GRB2: variants seen among roughly 807,000 people sequenced by gnomAD.
GRB2 encodes growth factor receptor-bound protein 2.
In GRB2, 2 loss-of-function variants were observed where a neutral mutation model predicts 27.4. The observed-to-expected ratio is 0.07, with a 90% confidence interval of 0.03 to 0.23. The LOEUF is 0.23. Among genes scored for constraint, GRB2 ranks in the 10% least tolerant of loss-of-function variants. GRB2 has a pLI of 1.00. For missense variants in GRB2, 102 were observed against 282.4 expected, an observed-to-expected ratio of 0.36 and a Z score of 4.58; for synonymous variants, 94 against 99.6, an observed-to-expected ratio of 0.94 and a Z score of 0.33.
chr17:75,366,327 A>C (rs1402136537), intron 2 of GRB2, among the ~76,000 whole-genome samples: 1 of 152,170 alleles, frequency 6.6e-6, no homozygotes, highest in Non-Finnish European at 1.5e-5. Context: ...ACAGTGGCTT[A>C]ACACAATGGG....
At chr17:75,380,111 A>C (rs2078918266) in intron 2 of GRB2, among the ~76,000 whole-genome samples, 1 of 152,186 alleles carries the variant, frequency 6.6e-6, no homozygotes, top group Non-Finnish European at 1.5e-5. Context: ...GATTCTACAA[A>C]ATTTCTATGT....
At chr17:75,346,162 ATTT>A (rs67737628) in intron 2 of GRB2, among the ~76,000 whole-genome samples, 2 of 134,226 alleles carry the variant, frequency 1.5e-5, no homozygotes, top group African/African-American at 5.5e-5. Flanking sequence ...TCGGCCACTG[ATTT>A]TTTTTTTTTT....
chr17:75,369,852 T>C (rs1389813923), intron 2 of GRB2, among the ~76,000 whole-genome samples: 1 of 80,088 alleles, frequency 1.2e-5, no homozygotes, highest in African/African-American at 2.6e-5. Context: ...AGAGACTCCG[T>C]CTCAAAAAAA....
chr17:75,324,519 T>TG (rs1194479552), intron 4 of GRB2, among the ~76,000 whole-genome samples: 1,755 of 80,236 alleles, frequency 0.022, 70 homozygotes, highest in African/African-American at 0.064. Context: ...TTTTTTTTTT[T>TG]TTTTTTTTTT....
chr17:75,340,459 A>C (rs2078613162), intron 2 of GRB2, among the ~76,000 whole-genome samples: 1 of 152,238 alleles, frequency 6.6e-6, no homozygotes, highest in Non-Finnish European at 1.5e-5. Context: ...ACTTGAAGAC[A>C]AATTTCAAGA....
intron 5 of GRB2, among the ~76,000 whole-genome samples, chr17:75,321,404 T>C (rs1238170048): frequency 6.6e-6 from 1 of 152,108 alleles, no homozygotes; most frequent in African/African-American, 2.4e-5. Context: ...CTCAAACACC[T>C]GACCTCAAGA....
At chr17:75,359,755 T>C (rs2078766993) in intron 2 of GRB2, among the ~76,000 whole-genome samples, 1 of 152,110 alleles carries the variant, frequency 6.6e-6, no homozygotes. Context: ...CTGCCTAAAA[T>C]GGCAAACTCA....
intron 2 of GRB2, among the ~76,000 whole-genome samples, chr17:75,361,286 G>A (rs1411440758): frequency 1.3e-5 from 2 of 152,092 alleles, no homozygotes; most frequent in South Asian, 2.1e-4. Flanking sequence ...AACATTTTGC[G>A]AACCTGTCTT....
At chr17:75,398,920 C>G (rs1327854193) in intron 1 of GRB2, among the ~76,000 whole-genome samples, 1 of 150,872 alleles carries the variant, frequency 6.6e-6, no homozygotes, top group Non-Finnish European at 1.5e-5. Context: ...GCTGATTTTT[C>G]TATTTTTAAT....
At chr17:75,380,346 T>TAAA (rs5822085) in intron 2 of GRB2, among the ~76,000 whole-genome samples, 21 of 142,960 alleles carry the variant, frequency 1.5e-4, no homozygotes, top group South Asian at 6.6e-4. Flanking sequence ...TAGCTTGTAG[T>TAAA]AAAAAAAAAA....
At chr17:75,393,906 C>G (rs998831822) in intron 1 of GRB2, 141 bp from the exon 2 acceptor site, 10 of 488,238 alleles carry the variant, frequency 2.0e-5, no homozygotes, top group South Asian at 6.0e-5. Context: ...GGCAACAGCC[C>G]CCCCCCGCCG....
In GRB2 at chr17:75,345,333, C is replaced by T. The variant is rs200250322; in HGVS notation, c.79-12536G>A. 3.9e-5 allele frequency among the ~76,000 whole-genome samples: 6 copies of T among 152,156 alleles called. No individual in the cohort carries two copies. In the East Asian group the frequency reaches 5.8e-4, roughly 15 times the overall value. On this transcript the variant is annotated intron_variant, in intron 2 of 5. Coordinates refer to ENST00000316804, the MANE Select transcript of GRB2 (RefSeq NM_002086.5). ...TTGTGGGATTACAGGCGTGAACCAC[C>T]GCACCCCGCCCGACAACAGAGTTTA...
At chr17:75,374,205 A>C (rs2078875919) in intron 2 of GRB2, among the ~76,000 whole-genome samples, 1 of 151,718 alleles carries the variant, frequency 6.6e-6, no homozygotes, top group Non-Finnish European at 1.5e-5. Flanking sequence ...CAGGAGTTTG[A>C]GACCAGCCTG....
chr17:75,324,545 G>GTTTT (rs2078486013), intron 4 of GRB2, among the ~76,000 whole-genome samples: 1 of 95,566 alleles, frequency 1.0e-5, no homozygotes. Flanking sequence ...TGGAGACAGA[G>GTTTT]TTTTGCTCTT....
rs768877394 is a variant in GRB2, at chr17:75,393,501, G to A, written c.78+50C>T. 3.6e-6 allele frequency: 5 copies of A among 1,403,118 alleles called. No homozygotes were observed. In the Admixed American group the frequency reaches 5.0e-5, roughly 14 times the overall value. The allele number at this position is 1,403,118 out of a possible 1,614,324, so 86.9% of individuals were successfully genotyped here. ...GTGTAATCAGGGCGAAAGAAGGTGG[G>A]TGAGCACAGGGAGAGCGATCTCAGC... On this transcript the variant is annotated intron_variant, in intron 2 of 5. Coordinates refer to ENST00000316804, the MANE Select transcript of GRB2 (RefSeq NM_002086.5).
chr17:75,353,463 T>TA (rs11374646), intron 2 of GRB2, among the ~76,000 whole-genome samples: 96,527 of 149,184 alleles, frequency 0.65, 37,216 homozygotes, highest in East Asian at 0.91. Flanking sequence ...TCTATGCCCT[T>TA]AAAAAAAAAA....
intron 2 of GRB2, among the ~76,000 whole-genome samples, chr17:75,392,313 G>A (rs972843139): frequency 6.6e-5 from 10 of 152,196 alleles, no homozygotes; most frequent in African/African-American, 2.4e-4. Flanking sequence ...ACACAGCTTT[G>A]AAATGAACAC....
At chr17:75,326,532 G>T (rs1030001117) in intron 3 of GRB2, among the ~76,000 whole-genome samples, 2 of 152,232 alleles carry the variant, frequency 1.3e-5, no homozygotes, top group African/African-American at 2.4e-5. Flanking sequence ...AAAGGCAAAA[G>T]GTTCAGATAG....
intron 2 of GRB2, among the ~76,000 whole-genome samples, chr17:75,366,643 C>A (rs2078821870): frequency 1.3e-5 from 2 of 151,948 alleles, no homozygotes; most frequent in South Asian, 4.2e-4. Flanking sequence ...CCCATCTCCA[C>A]AAAAAAACAA....
Sources: allele counts gnomAD v4.1 joint callset (sites outside exome capture counted in the v4.1 genomes callset), GRCh38; gene constraint gnomAD v4.1.1; transcripts MANE v1.5; gene names NCBI Gene and HGNC (gene_info 2026-07-23, HGNC 2026-07-21).